Variants in PPP2R3A observed in about 807,000 individuals in gnomAD.
PPP2R3A encodes serine/threonine-protein phosphatase 2A regulatory subunit B'' subunit alpha.
In PPP2R3A, 80 loss-of-function variants were observed where a neutral mutation model predicts 106.9. The ratio of observed to expected loss-of-function variants is 0.75; its 90% CI spans 0.62 to 0.90. The LOEUF (loss-of-function observed/expected upper bound fraction) is 0.90, where lower values mean the gene tolerates loss of function less well. Ranked by LOEUF, PPP2R3A falls within the 40% of genes least tolerant of loss-of-function variation. The pLI is 0.00. For missense variants in PPP2R3A, 1,386 were observed against 1,350.4 expected (o/e 1.03, Z -0.41); for synonymous variants, 483 against 468.3 (o/e 1.03, Z -0.41).
chr3:136,019,078 TGG>T (rs1287275465), intron 2 of PPP2R3A, among the ~76,000 whole-genome samples: 1 of 152,176 alleles, frequency 6.6e-6, no homozygotes, highest in Non-Finnish European at 1.5e-5. Flanking sequence ...ATTGAGCACA[TGG>T]TCCAGATAGG....
At chr3:136,061,080 A>G (rs377377811) in intron 5 of PPP2R3A, among the ~76,000 whole-genome samples, 1 of 152,334 alleles carries the variant, frequency 6.6e-6, no homozygotes, top group Admixed American at 6.5e-5. Flanking sequence ...TGCTGATACA[A>G]GAAAAAGCTG....
At chr3:136,059,227 C>G (rs925339069) in intron 5 of PPP2R3A, among the ~76,000 whole-genome samples, 5 of 151,876 alleles carry the variant, frequency 3.3e-5, no homozygotes. Context: ...AAAATTTTTA[C>G]AAACTATGCA....
chr3:136,051,389 G>T (rs1049096013), intron 5 of PPP2R3A, among the ~76,000 whole-genome samples: 3 of 152,184 alleles, frequency 2.0e-5, no homozygotes, highest in Admixed American at 6.5e-5. Flanking sequence ...GAGTGCAATG[G>T]TGCGATCTTG....
intron 13 of PPP2R3A, among the ~76,000 whole-genome samples, chr3:136,139,127 G>T (rs76148231): frequency 0.033 from 5,022 of 152,126 alleles, 297 homozygotes; most frequent in African/African-American, 0.11. Flanking sequence ...CAGAATCCTG[G>T]AAACTGGAAT....
chr3:136,048,246 CGGTAGCATTTACAAATGCCT>C (rs1344928662), intron 4 of PPP2R3A, among the ~76,000 whole-genome samples: 1 of 152,112 alleles, frequency 6.6e-6, no homozygotes, highest in Non-Finnish European at 1.5e-5. Flanking sequence ...GTGGTAAGGA[CGGTAGCATTTACAAATGCCT>C]GGTGTGAGAA....
intron 6 of PPP2R3A, among the ~76,000 whole-genome samples, chr3:136,072,602 G>T (rs1471099993): frequency 6.6e-6 from 1 of 152,038 alleles, no homozygotes; most frequent in Non-Finnish European, 1.5e-5. Flanking sequence ...CAAAAGAAAA[G>T]AATTCTACGC....
intron 1 of PPP2R3A, among the ~76,000 whole-genome samples, chr3:135,972,194 C>G (rs1413232738): frequency 6.6e-6 from 1 of 152,152 alleles, no homozygotes; most frequent in East Asian, 1.9e-4. Context: ...TTTGCCTGTT[C>G]TGAAGATTTC....
At chr3:135,971,285 G>A (rs946294732) in intron 1 of PPP2R3A, among the ~76,000 whole-genome samples, 1 of 152,154 alleles carries the variant, frequency 6.6e-6, no homozygotes, top group Non-Finnish European at 1.5e-5. Context: ...AGAAAGCACT[G>A]AGCAAACTGG....
In PPP2R3A at chr3:136,001,533, T is replaced by C. The variant is rs1367583328; in HGVS notation, c.35T>C (p.Val12Ala). 3.7e-6 allele frequency: 6 copies of C among 1,614,174 alleles called. No individual in the cohort carries two copies. The highest frequency in any genetic ancestry group is 5.1e-6 in the Non-Finnish European group (6 of 1,180,014). The change falls in exon 2 of 14, where the codon GTG (valine) becomes GCG (alanine). Residue 12 changes from valine (V) to alanine (A), a missense_variant. Physicochemically the swap from Val to Ala is moderately conservative, Grantham distance 64 (BLOSUM62 0). Coordinates refer to ENST00000264977, the MANE Select transcript of PPP2R3A (RefSeq NM_002718.5). ...AATYRLVVSTVNHYSSVVIDR... is the reference protein window; with the variant it reads ...AATYRLVVSTANHYSSVVIDR... The stretch of plus-strand genomic sequence containing the variant: ...ACTTACAGACTTGTGGTTAGTACTG[T>C]GAACCACTACAGCAGCGTGGTGATA...
At position 136,146,642 on chromosome 3, in the gene PPP2R3A, T is replaced by C. The variant is rs1311612183; in HGVS notation, c.*1476T>C. ...TTATCTTCATGATTAGAACTGATCTTCCATTTAACTATTACAGAAAGCAGT... is the reference window on the plus strand; with the variant it reads ...TTATCTTCATGATTAGAACTGATCTCCCATTTAACTATTACAGAAAGCAGT... On this transcript the variant is annotated 3_prime_UTR_variant, in exon 14 of 14. Transcript: ENST00000264977. 1 of 152,228 alleles carries C rather than the reference T, an allele frequency of 6.6e-6. No homozygotes were observed. Among genetic ancestry groups the C allele is most frequent in the Non-Finnish European group, 1.5e-5 (1 of 68,036 alleles). The allele number at this position is 152,228 out of a possible 1,614,324, so 9.4% of individuals were successfully genotyped here.
At chr3:136,138,564 A>G (rs1938713460) in intron 13 of PPP2R3A, among the ~76,000 whole-genome samples, 1 of 152,178 alleles carries the variant, frequency 6.6e-6, no homozygotes, top group African/African-American at 2.4e-5. Flanking sequence ...CAAATATCCA[A>G]CTTCCAAAAT....
chr3:136,124,572 A>G (rs997502145), intron 13 of PPP2R3A, among the ~76,000 whole-genome samples: 2 of 152,148 alleles, frequency 1.3e-5, no homozygotes, highest in African/African-American at 4.8e-5. Flanking sequence ...GTCTAATATC[A>G]ACAATATAAG....
chr3:136,007,746 C>G (rs1379837649), intron 2 of PPP2R3A, among the ~76,000 whole-genome samples: 1 of 152,184 alleles, frequency 6.6e-6, no homozygotes, highest in Non-Finnish European at 1.5e-5. Context: ...AATTTACTTT[C>G]TCTTTAAGGA....
At chr3:136,135,068 TGTG>T (rs1938556312) in intron 13 of PPP2R3A, among the ~76,000 whole-genome samples, 1 of 151,736 alleles carries the variant, frequency 6.6e-6, no homozygotes, top group Non-Finnish European at 1.5e-5. Context: ...TTTTTCAAGT[TGTG>T]GTAGCACTGA....
intron 4 of PPP2R3A, among the ~76,000 whole-genome samples, chr3:136,048,440 A>C (rs1284492914): frequency 6.6e-6 from 1 of 152,220 alleles, no homozygotes; most frequent in Non-Finnish European, 1.5e-5. Context: ...TGGGAAGCCG[A>C]GGCAGGCGGA....
chr3:136,007,761 C>G (rs1933900233), intron 2 of PPP2R3A, among the ~76,000 whole-genome samples: 1 of 151,966 alleles, frequency 6.6e-6, no homozygotes. Context: ...TAAGGAATAC[C>G]TATATATTCA....
chr3:136,070,949 A>G (rs1936411931), intron 6 of PPP2R3A, among the ~76,000 whole-genome samples: 1 of 152,238 alleles, frequency 6.6e-6, no homozygotes, highest in Non-Finnish European at 1.5e-5. Context: ...ATAATGAGAA[A>G]ATAGCTTGTG....
intron 1 of PPP2R3A, among the ~76,000 whole-genome samples, chr3:135,975,934 A>T (rs1448639837): frequency 6.6e-6 from 1 of 152,106 alleles, no homozygotes; most frequent in African/African-American, 2.4e-5. Context: ...TCATACCCTC[A>T]CCAATTTGTG....
intron 1 of PPP2R3A, among the ~76,000 whole-genome samples, chr3:135,973,589 A>C (rs1937307185): frequency 6.6e-6 from 1 of 152,308 alleles, no homozygotes; most frequent in African/African-American, 2.4e-5. Flanking sequence ...TTCTGTTGCT[A>C]TTCCTCATAT....
Sources: allele counts gnomAD v4.1 joint callset (sites outside exome capture counted in the v4.1 genomes callset), GRCh38; gene constraint gnomAD v4.1.1; transcripts MANE v1.5; gene names NCBI Gene and HGNC (gene_info 2026-07-23, HGNC 2026-07-21).